Variants in SGK3 observed in about 807,000 individuals in gnomAD.
SGK3 encodes the protein serum/glucocorticoid regulated kinase family member 3.
Under a neutral mutation model 68.5 loss-of-function variants are expected in SGK3, and 47 were observed. That is an observed-to-expected ratio of 0.69 (90% CI 0.54 to 0.87). SGK3 has a LOEUF of 0.87. Among genes scored for constraint, SGK3 ranks in the 40% least tolerant of loss-of-function variants. The pLI is 0.00. For missense variants in SGK3, 479 were observed against 575.5 expected (o/e 0.83, Z 1.72); for synonymous variants, 181 against 189.1 (o/e 0.96, Z 0.35).
chr8:66,803,895 T>C (rs1808052739), intron 3 of SGK3, among the ~76,000 whole-genome samples: 1 of 152,036 alleles, frequency 6.6e-6, no homozygotes, highest in Non-Finnish European at 1.5e-5. Flanking sequence ...TTAGAGCAGA[T>C]AGGGTATTGA....
intron 1 of SGK3, among the ~76,000 whole-genome samples, chr8:66,784,014 C>T (rs1005947172): frequency 6.6e-6 from 1 of 152,126 alleles, no homozygotes; most frequent in Non-Finnish European, 1.5e-5. Flanking sequence ...CCTCTGGTCT[C>T]AGCCTCTCAA....
At chr8:66,772,702 A>G (rs372099207) in intron 1 of SGK3, among the ~76,000 whole-genome samples, 18 of 151,974 alleles carry the variant, frequency 1.2e-4, no homozygotes, top group Admixed American at 7.9e-4. Context: ...CTGGGACTAC[A>G]GGTGCCTGCC....
intron 3 of SGK3, among the ~76,000 whole-genome samples, chr8:66,798,850 G>C (rs1443716530): frequency 6.6e-6 from 1 of 152,148 alleles, no homozygotes; most frequent in East Asian, 1.9e-4. Context: ...AAAAATATGA[G>C]AACTAGATAA....
At chr8:66,786,812 C>G (rs1023439143) in intron 1 of SGK3, among the ~76,000 whole-genome samples, 1 of 151,788 alleles carries the variant, frequency 6.6e-6, no homozygotes, top group Non-Finnish European at 1.5e-5. Context: ...TGTCCCTTCT[C>G]TGTACCCTCT....
Position 66,859,860 on chromosome 8 carries a change from T to C in SGK3, c.*279T>C, listed in dbSNP as rs1365521351. The C allele has an allele frequency of 4.0e-6, 1 of 251,472 alleles. No homozygotes were observed. Among genetic ancestry groups the C allele is most frequent in the East Asian group, 8.4e-5 (1 of 11,916 alleles). The allele number at this position is 251,472 out of a possible 1,614,324, so 15.6% of individuals were successfully genotyped here. On this transcript the variant is annotated 3_prime_UTR_variant, in exon 17 of 17. Coordinates refer to ENST00000521198, the MANE Select transcript of SGK3 (RefSeq NM_001033578.3). The stretch of plus-strand genomic sequence containing the variant: ...TAACCTATTTTTAAAGAAACCTTTT[T>C]TGCTATTGACTGTTTTTTCCCTCTA...
intron 4 of SGK3, among the ~76,000 whole-genome samples, chr8:66,811,528 A>G (rs1808383319): frequency 6.6e-6 from 1 of 152,194 alleles, no homozygotes; most frequent in Non-Finnish European, 1.5e-5. Flanking sequence ...CTAAAAAAGT[A>G]AGTTTGGAAT....
At chr8:66,817,857 C>T (rs1427863488) in intron 5 of SGK3, among the ~76,000 whole-genome samples, 1 of 152,098 alleles carries the variant, frequency 6.6e-6, no homozygotes, top group Non-Finnish European at 1.5e-5. Flanking sequence ...CCTTTACTCC[C>T]AGCACTTTGG....
intron 3 of SGK3, among the ~76,000 whole-genome samples, chr8:66,800,790 T>C (rs1249893429): frequency 6.6e-6 from 1 of 152,170 alleles, no homozygotes. Flanking sequence ...CTATGTAAAA[T>C]TAATAGGGAG....
rs182515777 is a variant in SGK3 at position 66,779,364 on chromosome 8, A to G, written c.-121-14252A>G. On this transcript the variant is annotated intron_variant, in intron 1 of 16. Transcript: ENST00000521198. ...GTAAATGTTTCTGTCACTTAATTTT[A>G]TCTTTTCTCCTGTGGCCTTCCAAAC... Among the ~76,000 whole-genome samples, 12 of 151,806 alleles carry G rather than the reference A, an allele frequency of 7.9e-5. No homozygotes were observed. The East Asian group carries it at 2.3e-3, about 29-fold the overall frequency.
At position 66,860,552 on chromosome 8, in the gene SGK3, C is replaced by CT. The variant is rs1810712102; in HGVS notation, c.*973dup. ...TTTTCCTCTGAAGGAAAAGAAAAGG[C>CT]TTAATGGTTAGGATTTTTAAGTATT... On this transcript the variant is annotated 3_prime_UTR_variant, in exon 17 of 17. Transcript: ENST00000521198. 6.6e-6 allele frequency: 1 copy of CT among 152,002 alleles called. No individual in the cohort carries two copies. Among genetic ancestry groups the CT allele is most frequent in the Admixed American group, 6.5e-5 (1 of 15,274 alleles). 9.4% of individuals were successfully genotyped at this position (152,002 alleles called of 1,614,324 possible). A position where few individuals can be genotyped will look rare whatever the true frequency, so the allele number is the denominator to read the frequency against.
chr8:66,776,212 A>G (rs1270529610), intron 1 of SGK3, among the ~76,000 whole-genome samples: 2 of 152,168 alleles, frequency 1.3e-5, no homozygotes, highest in African/African-American at 4.8e-5. Flanking sequence ...GTGTTACCTG[A>G]TGTGATCATC....
chr8:66,813,785 A>G lies in SGK3; in HGVS notation c.254-68A>G, dbSNP rs971769256. 4.4e-6 allele frequency: 6 copies of G among 1,365,798 alleles called. No homozygotes were observed. In the African/African-American group the frequency reaches 7.4e-5, roughly 17 times the overall value. 84.6% of individuals were successfully genotyped at this position (1,365,798 alleles called of 1,614,324 possible). A position where few individuals can be genotyped will look rare whatever the true frequency, so the allele number is the denominator to read the frequency against. On this transcript the variant is annotated intron_variant, in intron 4 of 16. Transcript: ENST00000521198. ...ATTCACTATCTTGTGCTTGTCTATT[A>G]TATAACTGTTGATGATAATTGCATA...
Position 66,712,795 on chromosome 8 carries a change from T to C in SGK3, c.-160T>C, listed in dbSNP as rs1804523455. ...AAGGAGGAAGCGCAGTGCGTTCGGC[T>C]CCGCGCCCGCCGCGCCGGGAGCAGC... On this transcript the variant is annotated 5_prime_UTR_variant, in exon 1 of 17. Coordinates refer to ENST00000521198, the MANE Select transcript of SGK3 (RefSeq NM_001033578.3). The C allele has an allele frequency of 6.6e-6, 1 of 151,090 alleles. No homozygotes were observed. Among genetic ancestry groups the C allele is most frequent in the Non-Finnish European group, 1.5e-5 (1 of 67,698 alleles). The allele number at this position is 151,090 out of a possible 1,614,324, so 9.4% of individuals were successfully genotyped here.
chr8:66,745,556 A>G (rs1805630354), intron 1 of SGK3, among the ~76,000 whole-genome samples: 1 of 152,008 alleles, frequency 6.6e-6, no homozygotes, highest in African/African-American at 2.4e-5. Flanking sequence ...CCTGGGCAAC[A>G]GAGAGAGACT....
intron 2 of SGK3, 86 bp downstream of exon 2, chr8:66,793,918 C>A: frequency 2.9e-6 from 4 of 1,371,996 alleles, no homozygotes; most frequent in Admixed American, 2.0e-5. Flanking sequence ...ACCTAGAACA[C>A]CCCCTTCCCC....
intron 4 of SGK3, among the ~76,000 whole-genome samples, chr8:66,811,051 C>G (rs776728953): frequency 2.0e-5 from 3 of 152,162 alleles, no homozygotes; most frequent in Admixed American, 1.3e-4. Flanking sequence ...GTCAGTGTCT[C>G]TGTTGCCCAG....
intron 1 of SGK3, among the ~76,000 whole-genome samples, chr8:66,717,019 A>G (rs1050928233): frequency 6.6e-6 from 1 of 151,764 alleles, no homozygotes; most frequent in Non-Finnish European, 1.5e-5. Context: ...AACACGGCGA[A>G]ACCCTGTCTC....
At chr8:66,834,620 T>C (rs1409150022) in intron 8 of SGK3, among the ~76,000 whole-genome samples, 1 of 151,992 alleles carries the variant, frequency 6.6e-6, no homozygotes, top group Non-Finnish European at 1.5e-5. Context: ...TGCAAAATGA[T>C]TAGAAACCAA....
At chr8:66,796,321 A>ATTTTTTTTTTTTTTTTT (rs71249408) in intron 2 of SGK3, among the ~76,000 whole-genome samples, 3 of 41,358 alleles carry the variant, frequency 7.3e-5, no homozygotes, top group African/African-American at 8.0e-5. Context: ...TATTTTTTGT[A>ATTTTTTTTTTTTTTTTT]TTTTTTTTTT....
Sources: allele counts gnomAD v4.1 joint callset (sites outside exome capture counted in the v4.1 genomes callset), GRCh38; gene constraint gnomAD v4.1.1; transcripts MANE v1.5; gene names NCBI Gene and HGNC (gene_info 2026-07-23, HGNC 2026-07-21).